Variants in EFNA5 observed in about 807,000 individuals in gnomAD.
EFNA5 encodes the protein ephrin-A5.
EFNA5 carries 5 observed loss-of-function variants against 22.9 expected under a neutral mutation model. The observed-to-expected ratio is 0.22, with a 90% CI of 0.11 to 0.46. The LOEUF (loss-of-function observed/expected upper bound fraction) is 0.46. Ranked by LOEUF, EFNA5 falls within the 20% of genes least tolerant of loss-of-function variation. The pLI is 0.99. For missense variants in EFNA5, 237 were observed against 293.3 expected, an observed-to-expected ratio of 0.81 and a Z score of 1.40; for synonymous variants, 113 against 112.2, an observed-to-expected ratio of 1.01 and a Z score of -0.04.
chr5:107,437,368 C>G (rs1380041206), intron 1 of EFNA5, among the ~76,000 whole-genome samples: 2 of 152,210 alleles, frequency 1.3e-5, no homozygotes, highest in Middle Eastern at 3.4e-3. Flanking sequence ...TTCTATTTGG[C>G]CAGTTAGGAC....
At chr5:107,455,273 G>A (rs1749667748) in intron 1 of EFNA5, among the ~76,000 whole-genome samples, 1 of 152,108 alleles carries the variant, frequency 6.6e-6, no homozygotes, top group Non-Finnish European at 1.5e-5. Context: ...ATCAACAAAT[G>A]ATTGACTGAA....
chr5:107,381,256 TATA>T lies in EFNA5; in HGVS notation c.683_685del (p.Leu228del). The stretch of plus-strand genomic sequence containing the variant: ...GACAAGTGATGGGAGGAGACTGTGC[TATA>T]ATGTCAAAAGCATCGCCAGGAGGAA... On this transcript the variant is annotated inframe_deletion, in exon 5 of 5. Transcript: ENST00000333274. 6.2e-7 allele frequency: 1 copy of T among 1,613,706 alleles called. No individual in the cohort carries two copies. Among genetic ancestry groups the T allele is most frequent in the Non-Finnish European group, 8.5e-7 (1 of 1,179,680 alleles).
At chr5:107,530,650 A>G (rs1293300782) in intron 1 of EFNA5, among the ~76,000 whole-genome samples, 1 of 152,162 alleles carries the variant, frequency 6.6e-6, no homozygotes, top group Non-Finnish European at 1.5e-5. Context: ...CAGAGTGAGA[A>G]GAAGGACAGA....
At chr5:107,608,310 C>T (rs12519591) in intron 1 of EFNA5, among the ~76,000 whole-genome samples, 3 of 151,986 alleles carry the variant, frequency 2.0e-5, no homozygotes, top group African/African-American at 4.8e-5. Context: ...TTTGAGCAAC[C>T]GTGTTAGGAG....
At chr5:107,425,323 T>G (rs1167271791) in intron 2 of EFNA5, among the ~76,000 whole-genome samples, 1 of 152,230 alleles carries the variant, frequency 6.6e-6, no homozygotes, top group Non-Finnish European at 1.5e-5. Context: ...TCTCTATTCA[T>G]TTTTGATTTT....
intron 2 of EFNA5, 73 bp downstream of exon 2, chr5:107,427,144 C>T: frequency 6.5e-7 from 1 of 1,546,868 alleles, no homozygotes; most frequent in Non-Finnish European, 8.9e-7. Flanking sequence ...CTGCAATTCT[C>T]TGAAACATGG....
intron 2 of EFNA5, among the ~76,000 whole-genome samples, chr5:107,422,695 G>A (rs1308507768): frequency 6.6e-6 from 1 of 152,148 alleles, no homozygotes; most frequent in African/African-American, 2.4e-5. Flanking sequence ...AGGGAATCAG[G>A]GAAAGGAGTT....
intron 1 of EFNA5, among the ~76,000 whole-genome samples, chr5:107,542,391 T>A (rs1321124475): frequency 1.3e-5 from 2 of 152,110 alleles, no homozygotes; most frequent in East Asian, 3.9e-4. Flanking sequence ...TGGTGTCCAA[T>A]TAGTAAAAGA....
chr5:107,563,002 C>A (rs1009998049), intron 1 of EFNA5, among the ~76,000 whole-genome samples: 14 of 152,184 alleles, frequency 9.2e-5, no homozygotes, highest in Non-Finnish European at 1.9e-4. Flanking sequence ...CACAAACCAA[C>A]ATGAAAGTCA....
intron 1 of EFNA5, among the ~76,000 whole-genome samples, chr5:107,473,659 ATTT>A (rs564376165): frequency 7.1e-6 from 1 of 140,892 alleles, no homozygotes; most frequent in Non-Finnish European, 1.6e-5. Flanking sequence ...TTTCACTTGA[ATTT>A]TTTTTTTTTT....
At chr5:107,540,815 T>C (rs1301974241) in intron 1 of EFNA5, among the ~76,000 whole-genome samples, 1 of 152,218 alleles carries the variant, frequency 6.6e-6, no homozygotes, top group African/African-American at 2.4e-5. Context: ...TTTAGAAATT[T>C]TAATCAAGAA....
intron 1 of EFNA5, among the ~76,000 whole-genome samples, chr5:107,473,712 T>G (rs1304780512): frequency 6.7e-6 from 1 of 149,972 alleles, no homozygotes; most frequent in East Asian, 2.0e-4. Context: ...CAAGCTGGAG[T>G]GCAAATGGTG....
chr5:107,629,898 A>C (rs1237088466), intron 1 of EFNA5, among the ~76,000 whole-genome samples: 1 of 152,034 alleles, frequency 6.6e-6, no homozygotes, highest in Non-Finnish European at 1.5e-5. Flanking sequence ...TTCTACTAAA[A>C]GCACAACATT....
chr5:107,418,057 A>AT (rs1018447298), intron 2 of EFNA5, among the ~76,000 whole-genome samples: 1 of 151,996 alleles, frequency 6.6e-6, no homozygotes, highest in African/African-American at 2.4e-5. Flanking sequence ...AGAAAGTATT[A>AT]TTTTTTTCCC....
intron 1 of EFNA5, among the ~76,000 whole-genome samples, chr5:107,442,188 TTC>T (rs199877285): frequency 7.1e-6 from 1 of 141,364 alleles, no homozygotes; most frequent in South Asian, 2.3e-4. Flanking sequence ...GCCTTTTTTT[TTC>T]CCATTGATAC....
intron 1 of EFNA5, among the ~76,000 whole-genome samples, chr5:107,522,736 G>A (rs553223898): frequency 6.6e-6 from 1 of 152,102 alleles, no homozygotes; most frequent in East Asian, 1.9e-4. Context: ...CTGCATGTTG[G>A]AGTCAACTTC....
At chr5:107,643,495 C>A (rs1404845388) in intron 1 of EFNA5, among the ~76,000 whole-genome samples, 1 of 152,152 alleles carries the variant, frequency 6.6e-6, no homozygotes, top group African/African-American at 2.4e-5. Flanking sequence ...GGGGTGCTCT[C>A]CAGACACAAC....
chr5:107,491,285 A>G (rs916048293), intron 1 of EFNA5, among the ~76,000 whole-genome samples: 1 of 152,128 alleles, frequency 6.6e-6, no homozygotes, highest in African/African-American at 2.4e-5. Context: ...GCATTTTCTC[A>G]AGGCAATACA....
intron 1 of EFNA5, among the ~76,000 whole-genome samples, chr5:107,653,492 AGGCTTTGAGCAGGGCT>A (rs1750772901): frequency 1.3e-5 from 2 of 152,168 alleles, no homozygotes; most frequent in African/African-American, 2.4e-5. Context: ...GAACAATAGG[AGGCTTTGAGCAGGGCT>A]CAAGCCCCAG....
Sources: allele counts gnomAD v4.1 joint callset (sites outside exome capture counted in the v4.1 genomes callset), GRCh38; gene constraint gnomAD v4.1.1; transcripts MANE v1.5; gene names NCBI Gene and HGNC (gene_info 2026-07-23, HGNC 2026-07-21).